FOXO4: variants seen among roughly 807,000 people sequenced by gnomAD.
The protein encoded by FOXO4 is forkhead box O4, also known as forkhead box protein O4.
In FOXO4, 3 loss-of-function variants were observed where a neutral mutation model predicts 20.8. The ratio of observed to expected loss-of-function variants is 0.14; its 90% CI spans 0.07 to 0.37. The LOEUF (loss-of-function observed/expected upper bound fraction) is 0.37. Among genes scored for constraint, FOXO4 ranks in the 10% least tolerant of loss-of-function variants. The pLI, the probability that FOXO4 is intolerant of heterozygous loss-of-function variation, is 1.00. For synonymous variants in FOXO4, 158 were observed against 180.0 expected, an observed-to-expected ratio of 0.88 and a Z score of 0.98; for missense variants, 309 against 431.9, an observed-to-expected ratio of 0.72 and a Z score of 2.52.
At chrX:71,099,728 G>C (rs778498825) in intron 1 of FOXO4, among the ~76,000 whole-genome samples, 67 of 112,040 alleles carry the variant, frequency 6.0e-4, no homozygotes, top group African/African-American at 1.9e-3. Flanking sequence ...GCTTGGTCTT[G>C]ACGGAACTAG....
intron 1 of FOXO4, among the ~76,000 whole-genome samples, chrX:71,098,208 T>C (rs1208660173): frequency 1.8e-5 from 2 of 112,318 alleles, no homozygotes; most frequent in Non-Finnish European, 3.8e-5. Context: ...ACAAAGTAGT[T>C]TTTAAAGTTT....
rs761311748 is a variant in FOXO4 at position 71,100,689 on chromosome X, G to A, written c.459G>A (p.Ser153=). The A allele has an allele frequency of 3.0e-5, 36 of 1,181,462 alleles. No individual in the cohort carries two copies. The highest frequency in any genetic ancestry group is 9.0e-5 in the East Asian group (3 of 33,279). ...DSNSSAGWKN[S]IRHNLSLHSK... ...TGCCATCTCTGCCCCTCCAGAACTC[G>A]ATCCGCCACAACCTGTCCCTGCACA... is the stretch of plus-strand genomic sequence containing the variant. The change falls in exon 2 of 3, where the codon TCG becomes TCA. Residue 153 remains serine (S), a synonymous_variant. Transcript: ENST00000374259.
In FOXO4 at chrX:71,101,256, C is replaced by T. The variant is rs780241629; in HGVS notation, c.1026C>T (p.Ser342=). ...PGVTGPLHTY[S]SSLFSPAEGP... ...TTACCGGCCCCTTACACACCTACAGCAGCTCCCTTTTCAGCCCAGCAGAGG... is the reference window on the plus strand; with the variant it reads ...TTACCGGCCCCTTACACACCTACAGTAGCTCCCTTTTCAGCCCAGCAGAGG... Residue 342 remains serine, a synonymous_variant, in exon 2 of 3, where the codon AGC becomes AGT. Coordinates refer to ENST00000374259, the MANE Select transcript of FOXO4 (RefSeq NM_005938.4). The T allele has an allele frequency of 1.7e-6, 2 of 1,211,548 alleles. No individual in the cohort carries two copies. Among genetic ancestry groups the T allele is most frequent in the South Asian group, 3.5e-5 (2 of 56,942 alleles).
intron 1 of FOXO4, among the ~76,000 whole-genome samples, chrX:71,097,440 T>A (rs1354122891): frequency 9.7e-6 from 1 of 103,316 alleles, no homozygotes; most frequent in African/African-American, 3.5e-5. Context: ...TCCCAGTACC[T>A]CAGTGTAGTG....
intron 1 of FOXO4, 35 bp downstream of exon 1, chrX:71,097,016 A>C: frequency 8.9e-7 from 1 of 1,124,996 alleles, no homozygotes; most frequent in Non-Finnish European, 1.2e-6. Flanking sequence ...TCCCAACACC[A>C]TCTACCCCCT....
At position 71,103,374 on chromosome X, in the gene FOXO4, C is replaced by A; in HGVS notation, c.*1290C>A. ...CCCAGCCCCCAAAGCAGCCCTTCCC[C>A]CAGTGCCCTTTGCATCGTCCCCTCC... On this transcript the variant is annotated 3_prime_UTR_variant, in exon 3 of 3. Transcript: ENST00000374259. 6.0e-6 allele frequency: 1 copy of A among 165,877 alleles called. No homozygotes were observed. The highest frequency in any genetic ancestry group is 1.2e-5 in the Non-Finnish European group (1 of 85,447). The allele number at this position is 165,877 out of a possible 1,213,427, so 13.7% of individuals were successfully genotyped here.
In FOXO4 at chrX:71,101,099, G is replaced by A. The variant is rs1490597008; in HGVS notation, c.869G>A (p.Ser290Asn). The A allele has an allele frequency of 8.3e-7, 1 of 1,211,798 alleles. No individual in the cohort carries two copies. The highest frequency in any genetic ancestry group is 1.1e-6 in the Non-Finnish European group (1 of 895,508). Residue 290 changes from serine (S) to asparagine (N), a missense_variant, in exon 2 of 3, where the codon AGC becomes AAC. Coordinates refer to ENST00000374259, the MANE Select transcript of FOXO4 (RefSeq NM_005938.4). ...VLAEEIPASV[S>N]SYAGGVPPTL... ...GCGGAGGAAATACCAGCTTCAGTCAGCAGTTATGCAGGGGGTGTCCCTCCC... is the reference window on the plus strand; with the variant it reads ...GCGGAGGAAATACCAGCTTCAGTCAACAGTTATGCAGGGGGTGTCCCTCCC...
rs1207578307 is a variant in FOXO4 at position 71,103,375 on chromosome X, C to T, written c.*1291C>T. The T allele has an allele frequency of 6.1e-6, 1 of 163,104 alleles. No homozygotes were observed. The highest frequency in any genetic ancestry group is 1.2e-5 in the Non-Finnish European group (1 of 84,858). The allele number at this position is 163,104 out of a possible 1,213,427, so 13.4% of individuals were successfully genotyped here. Reference sequence around the variant, plus strand: ...CCAGCCCCCAAAGCAGCCCTTCCCCCAGTGCCCTTTGCATCGTCCCCTCCC... The same window carrying T: ...CCAGCCCCCAAAGCAGCCCTTCCCCTAGTGCCCTTTGCATCGTCCCCTCCC... On this transcript the variant is annotated 3_prime_UTR_variant, in exon 3 of 3. Transcript: ENST00000374259.
At chrX:71,098,313 C>G (rs2092222820) in intron 1 of FOXO4, among the ~76,000 whole-genome samples, 1 of 112,117 alleles carries the variant, frequency 8.9e-6, no homozygotes, top group Non-Finnish European at 1.9e-5. Context: ...CTAATAACAG[C>G]AGGGTGAGGA....
Position 71,101,122 on chromosome X carries a change from C to T in FOXO4, c.892C>T (p.Pro298Ser). The change falls in exon 2 of 3, where the codon CCC becomes TCC. Residue 298 changes from proline to serine, a missense_variant. By Grantham distance (74) the Pro-to-Ser change is moderately conservative. Coordinates refer to ENST00000374259, the MANE Select transcript of FOXO4 (RefSeq NM_005938.4). ...CAGCAGTTATGCAGGGGGTGTCCCT[C>T]CCACCCTCAATGAAGGTCTAGAGCT... ...SVSSYAGGVP[P>S]TLNEGLELLD... 2 of 1,211,085 alleles carry T rather than the reference C, an allele frequency of 1.7e-6. No homozygotes were observed. The highest frequency in any genetic ancestry group is 3.5e-5 in the South Asian group (2 of 56,922).
At chrX:71,099,533 G>A (rs966044397) in intron 1 of FOXO4, 5 of 112,134 alleles carry the variant, frequency 4.5e-5, no homozygotes, top group Non-Finnish European at 9.4e-5. Flanking sequence ...GGAGGGCTTT[G>A]ATGGGGGATG....
chrX:71,102,407 G>A lies in FOXO4; in HGVS notation c.*323G>A. On this transcript the variant is annotated 3_prime_UTR_variant, in exon 3 of 3. Transcript: ENST00000374259. Reference sequence around the variant, plus strand: ...TGTAGCAAGATGAGCAATGCTGTTGGAAATGTGAAGTCACCAGTGGCCTTA... The same window carrying A: ...TGTAGCAAGATGAGCAATGCTGTTGAAAATGTGAAGTCACCAGTGGCCTTA... 1 of 333,605 alleles carries A rather than the reference G, an allele frequency of 3.0e-6. No individual in the cohort carries two copies. The highest frequency in any genetic ancestry group is 5.2e-6 in the Non-Finnish European group (1 of 190,993). The allele number at this position is 333,605 out of a possible 1,213,427, so 27.5% of individuals were successfully genotyped here.
intron 1 of FOXO4, among the ~76,000 whole-genome samples, chrX:71,100,400 T>G (rs1301569004): frequency 9.7e-6 from 1 of 103,006 alleles, no homozygotes; most frequent in South Asian, 4.7e-4. Context: ...CTACCAGTTT[T>G]CCCCCCTGGA....
Position 71,101,841 on chromosome X carries a change from T to C in FOXO4, c.1510+101T>C. 6 of 782,894 alleles carry C rather than the reference T, an allele frequency of 7.7e-6. No homozygotes were observed. The South Asian group carries it at 8.4e-5, about 11-fold the overall frequency. 64.5% of individuals were successfully genotyped at this position (782,894 alleles called of 1,213,427 possible). A position where few individuals can be genotyped will look rare whatever the true frequency, so the allele number is the denominator to read the frequency against. On this transcript the variant is annotated intron_variant, in intron 2 of 2. Transcript: ENST00000374259. Reference sequence around the variant, plus strand: ...GGGCGAAGGGGAGATTTAGGACAAGTGGTAGCCAGAGCTCCTGGGGAACTG... The same window carrying C: ...GGGCGAAGGGGAGATTTAGGACAAGCGGTAGCCAGAGCTCCTGGGGAACTG...
chrX:71,102,111 C>A lies in FOXO4; in HGVS notation c.*27C>A. 1 of 1,203,416 alleles carries A rather than the reference C, an allele frequency of 8.3e-7. No homozygotes were observed. The highest frequency in any genetic ancestry group is 1.7e-5 in the African/African-American group (1 of 57,694). On this transcript the variant is annotated 3_prime_UTR_variant, in exon 3 of 3. Transcript: ENST00000374259. The stretch of plus-strand genomic sequence containing the variant: ...TCATGCCTGGAAGCTTTGTCCCCTG[C>A]TTCAGATGTGGAGCCAGGCGTGTTC...
chrX:71,096,247 G>T lies in FOXO4; in HGVS notation c.-282G>T. On this transcript the variant is annotated 5_prime_UTR_variant, in exon 1 of 3. Coordinates refer to ENST00000374259, the MANE Select transcript of FOXO4 (RefSeq NM_005938.4). Reference sequence around the variant, plus strand: ...CAGGTTTAAAAGAGCAGGAAGCTGAGTGAGAGGTTGCAGAAAAAGTGTCTT... The same window carrying T: ...CAGGTTTAAAAGAGCAGGAAGCTGATTGAGAGGTTGCAGAAAAAGTGTCTT... 2.5e-6 allele frequency: 1 copy of T among 398,612 alleles called. No homozygotes were observed. Among genetic ancestry groups the T allele is most frequent in the Non-Finnish European group, 4.4e-6 (1 of 228,435 alleles). 32.9% of individuals were successfully genotyped at this position (398,612 alleles called of 1,213,427 possible). A position where few individuals can be genotyped will look rare whatever the true frequency, so the allele number is the denominator to read the frequency against.
In FOXO4 at chrX:71,102,220, G is replaced by GT. The variant is rs2092233583; in HGVS notation, c.*138dup. ...GGGTGGGGTCTGGTCACACACAGGTGTTGAAGAAATTATAAAGATAAAGCT... is the reference window on the plus strand; with the variant it reads ...GGGTGGGGTCTGGTCACACACAGGTGTTTGAAGAAATTATAAAGATAAAGCT... On this transcript the variant is annotated 3_prime_UTR_variant, in exon 3 of 3. Coordinates refer to ENST00000374259, the MANE Select transcript of FOXO4 (RefSeq NM_005938.4). 1 of 593,247 alleles carries GT rather than the reference G, an allele frequency of 1.7e-6. No individual in the cohort carries two copies. Among genetic ancestry groups the GT allele is most frequent in the Non-Finnish European group, 2.7e-6 (1 of 366,654 alleles). The allele number at this position is 593,247 out of a possible 1,213,427, so 48.9% of individuals were successfully genotyped here.
Position 71,102,059 on chromosome X carries a change from T to C in FOXO4, c.1511-18T>C, listed in dbSNP as rs769715798. 1 of 1,208,916 alleles carries C rather than the reference T, an allele frequency of 8.3e-7. No individual in the cohort carries two copies. The highest frequency in any genetic ancestry group is 1.8e-5 in the South Asian group (1 of 56,623). Reference sequence around the variant, plus strand: ...CAGGTAAGCCTCTTACCTTGTTCTCTGTTTCTTCTTCCCACAGATCCCTGA... The same window carrying C: ...CAGGTAAGCCTCTTACCTTGTTCTCCGTTTCTTCTTCCCACAGATCCCTGA... On this transcript the variant is annotated intron_variant, in intron 2 of 2. Coordinates refer to ENST00000374259, the MANE Select transcript of FOXO4 (RefSeq NM_005938.4).
chrX:71,098,577 C>T (rs1033423363), intron 1 of FOXO4, among the ~76,000 whole-genome samples: 1 of 112,012 alleles, frequency 8.9e-6, no homozygotes, highest in Non-Finnish European at 1.9e-5. Context: ...TAGCAGTCAC[C>T]CCCACCACCC....
Sources: allele counts gnomAD v4.1 joint callset (sites outside exome capture counted in the v4.1 genomes callset), GRCh38; gene constraint gnomAD v4.1.1; transcripts MANE v1.5; gene names NCBI Gene and HGNC (gene_info 2026-07-23, HGNC 2026-07-21).